Variants in ANKS1B observed in about 807,000 individuals in gnomAD.
ANKS1B encodes ankyrin repeat and sterile alpha motif domain containing 1B.
In ANKS1B, 36 loss-of-function variants were observed where a neutral mutation model predicts 148.3. The observed-to-expected ratio is 0.24, with a 90% CI of 0.19 to 0.32. The LOEUF (loss-of-function observed/expected upper bound fraction) is 0.32, where lower values mean the gene tolerates loss of function less well. Ranked by LOEUF, ANKS1B falls within the 10% of genes least tolerant of loss-of-function variation. The probability of loss-of-function intolerance (pLI) is 1.00; values close to 1 mark genes in which losing one functional copy is unlikely to be tolerated. For missense variants in ANKS1B, 1,157 were observed against 1,542.6 expected, an observed-to-expected ratio of 0.75 and a Z score of 4.19; for synonymous variants, 542 against 560.8, an observed-to-expected ratio of 0.97 and a Z score of 0.47.
chr12:98,869,706 TG>T (rs2099643514), intron 17 of ANKS1B, among the ~76,000 whole-genome samples: 1 of 152,006 alleles, frequency 6.6e-6, no homozygotes, highest in Admixed American at 6.6e-5. Flanking sequence ...TGTGTATGTG[TG>T]TATATATATG....
chr12:99,805,491 G>C (rs1004036414), intron 4 of ANKS1B, among the ~76,000 whole-genome samples: 1 of 151,808 alleles, frequency 6.6e-6, no homozygotes, highest in Admixed American at 6.6e-5. Flanking sequence ...GGGTATGGTG[G>C]TGTGTACCTG....
intron 15 of ANKS1B, among the ~76,000 whole-genome samples, chr12:99,152,973 A>G (rs2075331482): frequency 6.6e-6 from 1 of 152,170 alleles, no homozygotes. Flanking sequence ...TCTTGTCTAT[A>G]TAACCAGTGA....
intron 17 of ANKS1B, among the ~76,000 whole-genome samples, chr12:99,036,302 TAAAA>T (rs2099955522): frequency 2.6e-5 from 4 of 151,402 alleles, no homozygotes; most frequent in Admixed American, 1.3e-4. Context: ...TATATGGAAA[TAAAA>T]AAGAATGGGA....
At chr12:99,390,972 T>C (rs1484981940) in intron 12 of ANKS1B, among the ~76,000 whole-genome samples, 1 of 152,184 alleles carries the variant, frequency 6.6e-6, no homozygotes, top group Non-Finnish European at 1.5e-5. Context: ...AGCTCCAGGC[T>C]CTGGCCAGAA....
At chr12:98,941,697 G>A (rs2099837021) in intron 17 of ANKS1B, among the ~76,000 whole-genome samples, 1 of 152,200 alleles carries the variant, frequency 6.6e-6, no homozygotes, top group East Asian at 1.9e-4. Context: ...GGACTATGGT[G>A]ACATAAACAT....
intron 1 of ANKS1B, among the ~76,000 whole-genome samples, chr12:99,910,354 CAA>C (rs57222450): frequency 2.0e-5 from 1 of 51,092 alleles, no homozygotes; most frequent in South Asian, 1.0e-3. Flanking sequence ...GACTCCATCT[CAA>C]AAAAAAAAAA....
intron 10 of ANKS1B, among the ~76,000 whole-genome samples, chr12:99,501,563 C>A (rs1293809955): frequency 6.6e-6 from 1 of 152,138 alleles, no homozygotes; most frequent in Non-Finnish European, 1.5e-5. Flanking sequence ...CACAAAAAAT[C>A]ATCTTTCCTT....
intron 9 of ANKS1B, among the ~76,000 whole-genome samples, chr12:99,621,862 C>CTAAA (rs58807727): frequency 6.6e-6 from 1 of 151,462 alleles, no homozygotes; most frequent in African/African-American, 2.4e-5. Flanking sequence ...AGGCAGAAAA[C>CTAAA]AAAGAAATTC....
chr12:99,684,683 T>C (rs975405078), intron 8 of ANKS1B, among the ~76,000 whole-genome samples: 2 of 152,064 alleles, frequency 1.3e-5, no homozygotes, highest in Non-Finnish European at 2.9e-5. Flanking sequence ...AACTATACTA[T>C]AAATCTGTAG....
At chr12:99,036,206 G>A (rs2099955473) in intron 17 of ANKS1B, among the ~76,000 whole-genome samples, 1 of 152,166 alleles carries the variant, frequency 6.6e-6, no homozygotes, top group South Asian at 2.1e-4. Context: ...GAAAAAGTTA[G>A]ATTCCTGAAG....
At chr12:99,382,405 T>C (rs1292553889) in intron 12 of ANKS1B, among the ~76,000 whole-genome samples, 1 of 151,864 alleles carries the variant, frequency 6.6e-6, no homozygotes. Flanking sequence ...GCAGCTTTTC[T>C]GGAAAGGAAA....
chr12:99,149,351 G>A (rs1826167010), intron 15 of ANKS1B, among the ~76,000 whole-genome samples: 1 of 152,118 alleles, frequency 6.6e-6, no homozygotes, highest in South Asian at 2.1e-4. Context: ...ATGACTCCAA[G>A]AGCTCTGTGG....
intron 2 of ANKS1B, among the ~76,000 whole-genome samples, chr12:99,815,978 C>A (rs975577398): frequency 3.3e-5 from 5 of 151,734 alleles, no homozygotes; most frequent in Non-Finnish European, 7.4e-5. Flanking sequence ...ATAATGACTT[C>A]TTTTCCTTCG....
chr12:99,721,062 T>C (rs1567715182), intron 8 of ANKS1B, among the ~76,000 whole-genome samples: 1 of 152,184 alleles, frequency 6.6e-6, no homozygotes, highest in Non-Finnish European at 1.5e-5. Flanking sequence ...GTTTTTCAAT[T>C]CATACAAAAC....
chr12:98,856,020 G>T (rs972689790), intron 17 of ANKS1B, among the ~76,000 whole-genome samples: 1 of 152,194 alleles, frequency 6.6e-6, no homozygotes. Flanking sequence ...ACTTTCTCTG[G>T]TCTGCTCTTT....
At chr12:99,872,356 A>G (rs2091618165) in intron 1 of ANKS1B, among the ~76,000 whole-genome samples, 1 of 152,096 alleles carries the variant, frequency 6.6e-6, no homozygotes, top group Non-Finnish European at 1.5e-5. Context: ...CTTTTGCTTC[A>G]TAATAATTCA....
intron 12 of ANKS1B, among the ~76,000 whole-genome samples, chr12:99,290,646 A>C (rs574250307): frequency 6.6e-6 from 1 of 152,232 alleles, no homozygotes; most frequent in African/African-American, 2.4e-5. Flanking sequence ...GTGATATATC[A>C]TATCAACAGA....
At chr12:98,997,017 G>A (rs1295815583) in intron 17 of ANKS1B, among the ~76,000 whole-genome samples, 2 of 151,882 alleles carry the variant, frequency 1.3e-5, no homozygotes, top group Non-Finnish European at 2.9e-5. Context: ...TTTACTGATT[G>A]GATAGATGTT....
intron 10 of ANKS1B, among the ~76,000 whole-genome samples, chr12:99,463,252 G>C (rs566796538): frequency 2.0e-5 from 3 of 152,192 alleles, no homozygotes; most frequent in Non-Finnish European, 4.4e-5. Flanking sequence ...TTCTGGTTTT[G>C]TTTTGATTAA....
Sources: allele counts gnomAD v4.1 joint callset (sites outside exome capture counted in the v4.1 genomes callset), GRCh38; gene constraint gnomAD v4.1.1; transcripts MANE v1.5; gene names NCBI Gene and HGNC (gene_info 2026-07-23, HGNC 2026-07-21).